VPS50: variants seen among roughly 807,000 people sequenced by gnomAD.
The protein encoded by VPS50 is syndetin.
VPS50 carries 70 observed loss-of-function variants against 139.7 expected under a neutral mutation model. The ratio of observed to expected loss-of-function variants is 0.50; its 90% CI spans 0.41 to 0.61. The LOEUF is 0.61. Among genes scored for constraint, VPS50 ranks in the 20% least tolerant of loss-of-function variants. The pLI is 0.00. For synonymous variants in VPS50, 365 were observed against 376.7 expected (o/e 0.97, Z 0.36); for missense variants, 921 against 1,133.7 (o/e 0.81, Z 2.69).
chr7:93,341,572 C>T lies in VPS50; in HGVS notation c.2204C>T (p.Ser735Phe). The change falls in exon 23 of 28, where the codon TCC (serine) becomes TTC (phenylalanine). Residue 735 changes from serine to phenylalanine, a missense_variant. Transcript: ENST00000305866. ...GCAGAAAGAGTGGTAGCCACGGAAT[C>T]CTTGTAAGTTGTTCAAAACAGTTGC... ...GLAERVVATE[S>F]LVFLAEQFEF... 7 of 1,594,642 alleles carry T rather than the reference C, an allele frequency of 4.4e-6. No individual in the cohort carries two copies. Among genetic ancestry groups the T allele is most frequent in the Non-Finnish European group, 6.0e-6 (7 of 1,173,474 alleles).
chr7:93,334,162 A>G lies in VPS50; in HGVS notation c.2023A>G (p.Thr675Ala), dbSNP rs1270762043. Residue 675 changes from threonine to alanine, a missense_variant, in exon 22 of 28, where the codon ACT (threonine) becomes GCT (alanine). Thr to Ala is a moderately conservative substitution (Grantham distance 58). Around this residue, in one of 3 missense-constraint regions of VPS50, gnomAD observed 744 missense variants for 930.6 expected, o/e 0.80. Coordinates refer to ENST00000305866, the MANE Select transcript of VPS50 (RefSeq NM_017667.4). ...CCTTAGTAGTAGTAGACTAAGAACA[A>G]CTCTAAACAGAATACAAGAAAGCCT... ...LGLSSSRLRT[T>A]LNRIQESLID... The G allele has an allele frequency of 6.3e-7, 1 of 1,596,906 alleles. No individual in the cohort carries two copies. Among genetic ancestry groups the G allele is most frequent in the East Asian group, 2.2e-5 (1 of 44,666 alleles).
Position 93,258,212 on chromosome 7 carries a change from C to T in VPS50, c.476C>T (p.Ala159Val), listed in dbSNP as rs748729647. The change falls in exon 7 of 28, where the codon GCA (alanine) becomes GTA (valine). Residue 159 changes from alanine (A) to valine (V), a missense_variant. Ala to Val is a moderately conservative substitution (Grantham distance 64). Coordinates refer to ENST00000305866, the MANE Select transcript of VPS50 (RefSeq NM_017667.4). ...ACTCAAGCTAGTTTAGGCCTTCTTG[C>T]AAATCAAAGGAAACGTCAGTTGCTG... Reference protein sequence around the residue: ...GFTQASLGLLANQRKRQLLIG... With the variant: ...GFTQASLGLLVNQRKRQLLIG... 7 of 1,602,840 alleles carry T rather than the reference C, an allele frequency of 4.4e-6. 1 individual carries two copies. The South Asian group carries it at 7.7e-5, about 18-fold the overall frequency.
rs1394817544 is a variant in VPS50 at position 93,237,621 on chromosome 7, T to G, written c.34-2245T>G. Among the ~76,000 whole-genome samples the G allele has an allele frequency of 3.9e-5, 6 of 152,222 alleles. No individual in the cohort carries two copies. In the South Asian group the frequency reaches 1.2e-3, roughly 32 times the overall value. ...GATATATTTCTTCAGGGATTTCTGTTAGATTAGTTAAGCAAATCTATACAG... is the reference window on the plus strand; with the variant it reads ...GATATATTTCTTCAGGGATTTCTGTGAGATTAGTTAAGCAAATCTATACAG... On this transcript the variant is annotated intron_variant, in intron 1 of 27. Transcript: ENST00000305866.
intron 20 of VPS50, among the ~76,000 whole-genome samples, chr7:93,320,138 A>G (rs1031477230): frequency 1.3e-5 from 2 of 152,114 alleles, no homozygotes; most frequent in African/African-American, 2.4e-5. Context: ...AATTAGAACT[A>G]TGTTCGAGCT....
chr7:93,284,411 G>C (rs1438372747), intron 12 of VPS50, among the ~76,000 whole-genome samples: 1 of 152,082 alleles, frequency 6.6e-6, no homozygotes, highest in African/African-American at 2.4e-5. Context: ...CTGTCTATTT[G>C]ATTAAGGCCA....
Position 93,276,145 on chromosome 7 carries a change from G to A in VPS50, c.802-20G>A. The A allele has an allele frequency of 6.5e-7, 1 of 1,535,960 alleles. No individual in the cohort carries two copies. The highest frequency in any genetic ancestry group is 8.8e-7 in the Non-Finnish European group (1 of 1,137,800). The stretch of plus-strand genomic sequence containing the variant: ...TTTTAATAATGTGAAATTATGTTGT[G>A]CGTTTTTTTCTTTCCACAGACAGCA... On this transcript the variant is annotated intron_variant, in intron 11 of 27. Coordinates refer to ENST00000305866, the MANE Select transcript of VPS50 (RefSeq NM_017667.4).
rs752972917 is a variant in VPS50 at position 93,308,893 on chromosome 7, C to G, written c.1699C>G (p.Leu567Val). 2 of 1,607,672 alleles carry G rather than the reference C, an allele frequency of 1.2e-6. No individual in the cohort carries two copies. The highest frequency in any genetic ancestry group is 4.5e-5 in the East Asian group (2 of 44,748). ...YDSDSDVPEE[L>V]KRDYVDEQTG... ...CAGTGACAGTGATGTTCCTGAGGAA[C>G]TCAAACGAGACTATGTGGATGAGCA... Residue 567 changes from leucine to valine, a missense_variant, in exon 19 of 28, where the codon CTC becomes GTC. By Grantham distance (32) the Leu-to-Val change is conservative. Around this residue, in one of 3 missense-constraint regions of VPS50, gnomAD observed 744 missense variants for 930.6 expected, o/e 0.80. Coordinates refer to ENST00000305866, the MANE Select transcript of VPS50 (RefSeq NM_017667.4).
intron 11 of VPS50, 63 bp from the exon 12 acceptor site, chr7:93,276,102 T>C: frequency 1.4e-6 from 2 of 1,423,142 alleles, no homozygotes; most frequent in Non-Finnish European, 1.9e-6. Context: ...GTTTTTTCAA[T>C]TTGTTGAAAT....
chr7:93,284,196 G>A (rs956147879), intron 12 of VPS50, among the ~76,000 whole-genome samples: 6 of 152,096 alleles, frequency 3.9e-5, no homozygotes, highest in South Asian at 2.1e-4. Flanking sequence ...GTGGGAAACC[G>A]TTTTTGGGCC....
intron 1 of VPS50, among the ~76,000 whole-genome samples, chr7:93,238,319 C>G (rs1001551887): frequency 1.3e-5 from 2 of 151,024 alleles, no homozygotes; most frequent in Non-Finnish European, 3.0e-5. Context: ...TTCCAGCGAG[C>G]ATTCCTAGAA....
rs1046478808 is a variant in VPS50 at position 93,359,026 on chromosome 7, A to G, written c.*590A>G. 5 of 152,266 alleles carry G rather than the reference A, an allele frequency of 3.3e-5. No homozygotes were observed. Among genetic ancestry groups the G allele is most frequent in the African/African-American group, 9.7e-5 (4 of 41,436 alleles). The allele number at this position is 152,266 out of a possible 1,614,324, so 9.4% of individuals were successfully genotyped here. A position where few individuals can be genotyped will look rare whatever the true frequency, so the allele number is the denominator to read the frequency against. ...AAATATACTCTAGTATGATCAGCCT[A>G]TGTGAGACTACATTTTGATTTTTTG... On this transcript the variant is annotated 3_prime_UTR_variant, in exon 28 of 28. Transcript: ENST00000305866.
intron 25 of VPS50, among the ~76,000 whole-genome samples, chr7:93,352,210 TATGACTCTTGAA>T: frequency 6.6e-6 from 1 of 152,282 alleles, no homozygotes; most frequent in South Asian, 2.1e-4. Context: ...AATATTGAAT[TATGACTCTTGAA>T]ATCCAAAGCA....
chr7:93,290,945 A>C (rs980660885), intron 12 of VPS50, among the ~76,000 whole-genome samples: 1 of 152,118 alleles, frequency 6.6e-6, no homozygotes, highest in Non-Finnish European at 1.5e-5. Flanking sequence ...CAGAGTCTTC[A>C]ACTTTCAATA....
chr7:93,248,749 G>A (rs7786895), intron 2 of VPS50, among the ~76,000 whole-genome samples: 3,358 of 152,194 alleles, frequency 0.022, 69 homozygotes, highest in South Asian at 0.047. Context: ...GATTGAGCAG[G>A]CAGCCCTAAC....
At chr7:93,271,126 G>C in intron 9 of VPS50, 94 bp from the exon 10 acceptor site, 1 of 1,477,236 alleles carries the variant, frequency 6.8e-7, no homozygotes. Context: ...CTTAATCTTT[G>C]AATTTATGGA....
In VPS50 at chr7:93,283,874, G is replaced by A. The variant is rs541956256; in HGVS notation, c.942+7569G>A. Among the ~76,000 whole-genome samples, 38 of 152,226 alleles carry A rather than the reference G, an allele frequency of 2.5e-4. No homozygotes were observed. The South Asian group carries it at 6.8e-3, about 27-fold the overall frequency. On this transcript the variant is annotated intron_variant, in intron 12 of 27. Transcript: ENST00000305866. Reference sequence around the variant, plus strand: ...GTAGATTGTCTGGCTTGGTTTAACCGGATTTTTTAGTATGGTGGTTTGGTT... The same window carrying A: ...GTAGATTGTCTGGCTTGGTTTAACCAGATTTTTTAGTATGGTGGTTTGGTT...
chr7:93,316,392 G>T (rs1226915220), intron 20 of VPS50, among the ~76,000 whole-genome samples: 1 of 152,184 alleles, frequency 6.6e-6, no homozygotes, highest in Non-Finnish European at 1.5e-5. Context: ...GTAAATAAGG[G>T]ATTGACTTTG....
rs776484401 is a variant in VPS50 at position 93,232,444 on chromosome 7, G to A, written c.-24G>A. Reference sequence around the variant, plus strand: ...TGTGATTTGTTAGCTCTTTGAGGCAGGGTACCCTCCTCAGGATTTCGATAT... The same window carrying A: ...TGTGATTTGTTAGCTCTTTGAGGCAAGGTACCCTCCTCAGGATTTCGATAT... On this transcript the variant is annotated 5_prime_UTR_variant, in exon 1 of 28. Transcript: ENST00000305866. The A allele has an allele frequency of 6.2e-6, 10 of 1,608,152 alleles. No individual in the cohort carries two copies. The highest frequency in any genetic ancestry group is 8.5e-6 in the Non-Finnish European group (10 of 1,174,790).
At chr7:93,314,219 G>C (rs988776692) in intron 20 of VPS50, among the ~76,000 whole-genome samples, 6 of 152,150 alleles carry the variant, frequency 3.9e-5, no homozygotes, top group African/African-American at 9.7e-5. Flanking sequence ...TGGTGCTTGA[G>C]AAGATGAAGG....
Sources: gnomAD v4.1 joint callset for allele counts (sites outside exome capture counted in the v4.1 genomes callset) on GRCh38, gnomAD v4.1.1 for gene constraint, gnomAD v4.1.1 regional missense constraint, MANE v1.5 for transcripts, NCBI Gene and HGNC (gene_info 2026-07-23, HGNC 2026-07-21) for gene names.